RAP1GAP2: variants seen among roughly 807,000 people sequenced by gnomAD.
RAP1GAP2 encodes RAP1 GTPase activating protein 2.
A neutral mutation model predicts 95.0 loss-of-function variants in RAP1GAP2; 27 were observed. That is an observed-to-expected ratio of 0.28 (90% CI 0.21 to 0.39). The LOEUF (loss-of-function observed/expected upper bound fraction) is 0.39, where lower values mean the gene tolerates loss of function less well. Among genes scored for constraint, RAP1GAP2 ranks in the 10% least tolerant of loss-of-function variants. The pLI is 1.00. For synonymous variants in RAP1GAP2, 373 were observed against 380.9 expected (o/e 0.98, Z 0.24); for missense variants, 771 against 970.0 (o/e 0.79, Z 2.72).
At chr17:2,978,849 C>G (rs1186777563) in intron 8 of RAP1GAP2, among the ~76,000 whole-genome samples, 1 of 152,050 alleles carries the variant, frequency 6.6e-6, no homozygotes. Flanking sequence ...GCGGGAGAAT[C>G]TCTTGAAACC....
intron 2 of RAP1GAP2, among the ~76,000 whole-genome samples, chr17:2,841,903 A>G (rs139671249): frequency 1.3e-5 from 2 of 152,336 alleles, no homozygotes; most frequent in Non-Finnish European, 2.9e-5. Context: ...CTGACCCCAC[A>G]GCATTCCCAG....
rs971879533 is a variant in RAP1GAP2, at chr17:2,935,146, T to G, written c.166-22613T>G. On this transcript the variant is annotated intron_variant, in intron 3 of 24. Coordinates refer to ENST00000254695, the MANE Select transcript of RAP1GAP2 (RefSeq NM_015085.5). ...CTAGATGTTTAACTCTCAGCCTCAG[T>G]TTTCTCAGTGACAGAGTGGATGTGA... 3.9e-5 allele frequency among the ~76,000 whole-genome samples: 6 copies of G among 152,094 alleles called. No individual in the cohort carries two copies. In the East Asian group the frequency reaches 7.7e-4, roughly 20 times the overall value.
rs977693903 is a variant in RAP1GAP2 at position 3,035,733 on chromosome 17, C to G, written c.*2372C>G. The G allele has an allele frequency of 6.6e-6, 1 of 152,316 alleles. No homozygotes were observed. Among genetic ancestry groups the G allele is most frequent in the Non-Finnish European group, 1.5e-5 (1 of 68,140 alleles). The allele number at this position is 152,316 out of a possible 1,614,324, so 9.4% of individuals were successfully genotyped here. On this transcript the variant is annotated 3_prime_UTR_variant, in exon 25 of 25. Transcript: ENST00000254695. The surrounding 1 kb of genome is among the most constrained non-coding windows in gnomAD (Gnocchi z 4.3). ...GCAGTGCTGAGAGGGAGGAGGAGAA[C>G]AAGGATGGCCCAGCCTCCCCTCCCT... is the stretch of plus-strand genomic sequence containing the variant.
chr17:2,832,111 G>A lies in RAP1GAP2; in HGVS notation c.80+31561G>A, dbSNP rs905842367. ...CCCAGCTACTCGGGAGGCTGAGGCA[G>A]GAGAATCACTTGAACCTGGGAGGTG... On this transcript the variant is annotated intron_variant, in intron 2 of 24. Transcript: ENST00000254695. Among the ~76,000 whole-genome samples, 3 of 150,946 alleles carry A rather than the reference G, an allele frequency of 2.0e-5. No individual in the cohort carries two copies. In the East Asian group the frequency reaches 5.9e-4, roughly 30 times the overall value.
chr17:2,956,562 C>G (rs1356015230), intron 3 of RAP1GAP2, among the ~76,000 whole-genome samples: 1 of 152,230 alleles, frequency 6.6e-6, no homozygotes, highest in Non-Finnish European at 1.5e-5. Context: ...GCTTTCTTTT[C>G]TCTCGTCTTC....
intron 8 of RAP1GAP2, among the ~76,000 whole-genome samples, chr17:2,975,186 C>T (rs116640446): frequency 0.094 from 14,349 of 151,900 alleles, 805 homozygotes; most frequent in South Asian, 0.22. Flanking sequence ...GCTGAAATTG[C>T]GCCACAATAC....
chr17:3,024,576 A>C (rs1178990959), intron 19 of RAP1GAP2, among the ~76,000 whole-genome samples: 2 of 152,202 alleles, frequency 1.3e-5, no homozygotes, highest in Non-Finnish European at 2.9e-5. Flanking sequence ...ACAGTGGGCC[A>C]TGAAAAAAAA....
At chr17:2,826,877 A>AC (rs2151533864) in intron 2 of RAP1GAP2, among the ~76,000 whole-genome samples, 1 of 152,254 alleles carries the variant, frequency 6.6e-6, no homozygotes, top group South Asian at 2.1e-4. Context: ...GTGGTGGCGT[A>AC]CGCCTGTAGT....
At chr17:2,781,941 T>C (rs559597597) in intron 1 of RAP1GAP2, among the ~76,000 whole-genome samples, 3 of 152,226 alleles carry the variant, frequency 2.0e-5, no homozygotes, top group East Asian at 1.9e-4. Context: ...TGTGGGCAGG[T>C]CTCTGTGTGT....
chr17:2,863,630 A>C (rs1009435022), intron 2 of RAP1GAP2, among the ~76,000 whole-genome samples: 1 of 152,166 alleles, frequency 6.6e-6, no homozygotes, highest in Non-Finnish European at 1.5e-5. Context: ...GTGTGGCAGG[A>C]TCAGGGCACT....
At chr17:2,856,496 C>T (rs1270835344) in intron 2 of RAP1GAP2, among the ~76,000 whole-genome samples, 1 of 152,184 alleles carries the variant, frequency 6.6e-6, no homozygotes, top group Non-Finnish European at 1.5e-5. Context: ...TCCCCCTCTT[C>T]TCTCCCTGAG....
At chr17:2,969,163 T>TTATCTATCTATC (rs756995427) in intron 8 of RAP1GAP2, among the ~76,000 whole-genome samples, 3,595 of 146,622 alleles carry the variant, frequency 0.025, 48 homozygotes, top group East Asian at 0.072. Context: ...ATATTTTTCT[T>TTATCTATCTATC]TATCTATCTA....
At chr17:2,889,889 A>ATATATATTTTTTTTTTT (rs1408426152) in intron 2 of RAP1GAP2, among the ~76,000 whole-genome samples, 3 of 57,324 alleles carry the variant, frequency 5.2e-5, no homozygotes, top group Admixed American at 2.8e-4. Flanking sequence ...ATATATATAT[A>ATATATATTTTTTTTTTT]TTTTTTTTTT....
At position 2,978,356 on chromosome 17, in the gene RAP1GAP2, T is replaced by A. The variant is rs182120433; in HGVS notation, c.597-1931T>A. Among the ~76,000 whole-genome samples, 14 of 152,116 alleles carry A rather than the reference T, an allele frequency of 9.2e-5. No homozygotes were observed. In the East Asian group the frequency reaches 2.1e-3, roughly 23 times the overall value. On this transcript the variant is annotated intron_variant, in intron 8 of 24. Coordinates refer to ENST00000254695, the MANE Select transcript of RAP1GAP2 (RefSeq NM_015085.5). ...ATGAGGGTGGCTTGAACACAGGCGG[T>A]GAGATACTGCAACAGTCCCTCCGAT...
At chr17:2,828,116 G>A (rs1370205225) in intron 2 of RAP1GAP2, among the ~76,000 whole-genome samples, 1 of 152,184 alleles carries the variant, frequency 6.6e-6, no homozygotes. Flanking sequence ...CAAGGCTGGC[G>A]GATCACTTGA....
upstream of RAP1GAP2, among the ~76,000 whole-genome samples, chr17:2,795,886 C>T (rs936094988): frequency 6.6e-5 from 10 of 152,108 alleles, no homozygotes; most frequent in Admixed American, 2.0e-4. Context: ...GTGCATGTAT[C>T]TGTGTGTACC....
intron 1 of RAP1GAP2, among the ~76,000 whole-genome samples, chr17:2,780,285 A>G (rs2072323502): frequency 6.6e-6 from 1 of 152,322 alleles, no homozygotes; most frequent in East Asian, 1.9e-4. Context: ...TCCTGACCTC[A>G]GGTGATCCGC....
At chr17:2,782,146 C>G (rs1232087497) in intron 1 of RAP1GAP2, among the ~76,000 whole-genome samples, 4 of 152,190 alleles carry the variant, frequency 2.6e-5, no homozygotes, top group Admixed American at 6.5e-5. Flanking sequence ...CATGCCCCAT[C>G]CCGCCCTCTC....
intron 2 of RAP1GAP2, among the ~76,000 whole-genome samples, chr17:2,898,666 C>A (rs779461409): frequency 2.6e-5 from 4 of 152,196 alleles, no homozygotes; most frequent in Non-Finnish European, 5.9e-5. Context: ...ATGTCCCTGC[C>A]CCCGTCCACC....
Sources: allele counts gnomAD v4.1 joint callset (sites outside exome capture counted in the v4.1 genomes callset), GRCh38; gene constraint gnomAD v4.1.1; non-coding constraint Gnocchi (gnomAD v3.1); transcripts MANE v1.5; gene names NCBI Gene and HGNC (gene_info 2026-07-23, HGNC 2026-07-21).